CCT6A: variants seen among roughly 807,000 people sequenced by gnomAD.
The protein encoded by CCT6A is chaperonin containing TCP1 subunit 6A.
CCT6A carries 6 observed loss-of-function variants against 58.6 expected under a neutral mutation model. The ratio of observed to expected loss-of-function variants is 0.10; its 90% CI spans 0.06 to 0.20. The LOEUF (loss-of-function observed/expected upper bound fraction) is 0.20. Among genes scored for constraint, CCT6A ranks in the 10% least tolerant of loss-of-function variants. CCT6A has a pLI of 1.00. For missense variants in CCT6A, 516 were observed against 648.8 expected, an observed-to-expected ratio of 0.80 and a Z score of 2.22; for synonymous variants, 245 against 227.8, an observed-to-expected ratio of 1.08 and a Z score of -0.68.
chr7:56,061,012 A>G, intron 11 of CCT6A, 72 bp downstream of exon 11: 1 of 1,484,520 alleles, frequency 6.7e-7, no homozygotes, highest in Non-Finnish European at 9.0e-7. Flanking sequence ...TGTAGGATTT[A>G]TTCATAAAGT....
chr7:56,054,621 A>C (rs1794265619), intron 3 of CCT6A, 118 bp downstream of exon 3: 3 of 941,004 alleles, frequency 3.2e-6, no homozygotes, highest in African/African-American at 3.3e-5. Context: ...AGGGGGCTTA[A>C]ATCTGGGTCT....
Position 56,061,694 on chromosome 7 carries a change from T to C in CCT6A, c.1348-53T>C. 3 of 409,620 alleles carry C rather than the reference T, an allele frequency of 7.3e-6. No homozygotes were observed. In the East Asian group the frequency reaches 1.6e-4, roughly 22 times the overall value. 25.4% of individuals were successfully genotyped at this position (409,620 alleles called of 1,614,324 possible). A position where few individuals can be genotyped will look rare whatever the true frequency, so the allele number is the denominator to read the frequency against. Reference sequence around the variant, plus strand: ...TTTTTTTTTTTTTTTTTTTTTTTTTTACTATCAGTTATTAGTTCCTGTTTT... The same window carrying C: ...TTTTTTTTTTTTTTTTTTTTTTTTTCACTATCAGTTATTAGTTCCTGTTTT... On this transcript the variant is annotated intron_variant, in intron 11 of 13. Coordinates refer to ENST00000275603, the MANE Select transcript of CCT6A (RefSeq NM_001762.4).
Position 56,051,822 on chromosome 7 carries a change from G to C in CCT6A, c.-27G>C, listed in dbSNP as rs563602633. On this transcript the variant is annotated 5_prime_UTR_variant, in exon 1 of 14. Transcript: ENST00000275603. Reference sequence around the variant, plus strand: ...GCGCCGGCTCTGGGCACTCAGCATCGTTTCCTTTTCCTCCGCTGGAGCAGC... The same window carrying C: ...GCGCCGGCTCTGGGCACTCAGCATCCTTTCCTTTTCCTCCGCTGGAGCAGC... 1.9e-6 allele frequency: 3 copies of C among 1,549,130 alleles called. No homozygotes were observed. The East Asian group carries it at 7.4e-5, about 38-fold the overall frequency.
rs774163619 is a variant in CCT6A, at chr7:56,052,396, C to G, written c.138-26C>G. 5 of 1,607,164 alleles carry G rather than the reference C, an allele frequency of 3.1e-6. No homozygotes were observed. The Admixed American group carries it at 5.0e-5, about 16-fold the overall frequency. ...TAGTTATCGTTGAAAAAGTCATAGT[C>G]TGGTTCATTTCTGTCCTTTAAACAG... On this transcript the variant is annotated intron_variant, in intron 1 of 13. Transcript: ENST00000275603.
Position 56,051,954 on chromosome 7 carries a change from A to T in CCT6A, c.106A>T (p.Thr36Ser). Residue 36 changes from threonine (T) to serine (S), a missense_variant, in exon 1 of 14, where the codon ACC becomes TCC. By Grantham distance (58) the Thr-to-Ser change is moderately conservative (BLOSUM62 1). Coordinates refer to ENST00000275603, the MANE Select transcript of CCT6A (RefSeq NM_001762.4). Reference sequence around the variant, plus strand: ...GCGGGGTCTGCAGGACGTGCTAAGGACCAACCTGGGGCCCAAGGGCACCAT... The same window carrying T: ...GCGGGGTCTGCAGGACGTGCTAAGGTCCAACCTGGGGCCCAAGGGCACCAT... ...AARGLQDVLRTNLGPKGTMKM... is the reference protein window; with the variant it reads ...AARGLQDVLRSNLGPKGTMKM... 6.5e-7 allele frequency: 1 copy of T among 1,540,676 alleles called. No individual in the cohort carries two copies. The highest frequency in any genetic ancestry group is 8.8e-7 in the Non-Finnish European group (1 of 1,142,488).
Position 56,063,116 on chromosome 7 carries a change from A to C in CCT6A, c.*31A>C, listed in dbSNP as rs749173417. On this transcript the variant is annotated 3_prime_UTR_variant, in exon 14 of 14. Coordinates refer to ENST00000275603, the MANE Select transcript of CCT6A (RefSeq NM_001762.4). ...AGCTTCCTCTGTATCTGAATCTTGA[A>C]GACTGCAAAGTGATCCTGAGGATTA... 5.0e-6 allele frequency: 7 copies of C among 1,390,248 alleles called. No individual in the cohort carries two copies. The African/African-American group carries it at 9.9e-5, about 20-fold the overall frequency. 86.1% of individuals were successfully genotyped at this position (1,390,248 alleles called of 1,614,324 possible).
intron 11 of CCT6A, 73 bp downstream of exon 11, chr7:56,061,013 T>C: frequency 1.3e-6 from 2 of 1,482,320 alleles, no homozygotes; most frequent in Non-Finnish European, 1.8e-6. Flanking sequence ...GTAGGATTTA[T>C]TCATAAAGTG....
intron 8 of CCT6A, 55 bp from the exon 9 acceptor site, chr7:56,059,489 C>A: frequency 1.1e-6 from 1 of 887,556 alleles, no homozygotes; most frequent in Non-Finnish European, 1.9e-6. Flanking sequence ...CTGGTCTTAT[C>A]TTTGAAATTC....
rs1434889065 is a variant in CCT6A at position 56,051,786 on chromosome 7, C to T, written c.-63C>T. 7.2e-6 allele frequency: 11 copies of T among 1,531,792 alleles called. No homozygotes were observed. The highest frequency in any genetic ancestry group is 4.0e-5 in the Admixed American group (2 of 49,746). The allele number at this position is 1,531,792 out of a possible 1,614,324, so 94.9% of individuals were successfully genotyped here. On this transcript the variant is annotated 5_prime_UTR_variant, in exon 1 of 14. Transcript: ENST00000275603. ...TTCCAGAAGACCCGGATAGTTCCTC[C>T]CGGCCACGCCGCGCCGGCTCTGGGC...
chr7:56,059,289 C>T (rs527826429), intron 8 of CCT6A, among the ~76,000 whole-genome samples: 23 of 152,268 alleles, frequency 1.5e-4, no homozygotes, highest in African/African-American at 5.5e-4. Context: ...GTGTGAGCCA[C>T]CATGCCTGGC....
chr7:56,062,785 T>G (rs1794492022), intron 13 of CCT6A, 30 bp downstream of exon 13: 2 of 1,539,416 alleles, frequency 1.3e-6, no homozygotes, highest in Non-Finnish European at 1.8e-6. Context: ...AACTAAACTG[T>G]TAGAGAATCA....
intron 2 of CCT6A, 78 bp downstream of exon 2, chr7:56,052,563 T>G: frequency 8.0e-7 from 1 of 1,244,934 alleles, no homozygotes; most frequent in Non-Finnish European, 1.2e-6. Flanking sequence ...ATTTGCAGTG[T>G]CCATTTTCAA....
chr7:56,060,013 T>C (rs1161008864), intron 9 of CCT6A: 6 of 504,044 alleles, frequency 1.2e-5, no homozygotes, highest in Admixed American at 3.4e-5. Flanking sequence ...ATGAAGTCTT[T>C]AGCAGAAAAA....
intron 4 of CCT6A, among the ~76,000 whole-genome samples, 154 bp from the exon 5 acceptor site, chr7:56,056,157 G>C (rs1334653435): frequency 6.6e-6 from 1 of 152,152 alleles, no homozygotes; most frequent in African/African-American, 2.4e-5. Context: ...TTCAGCTGTT[G>C]CCTTTTACAT....
intron 10 of CCT6A, 145 bp from the exon 11 acceptor site, chr7:56,060,662 A>G (rs759182446): frequency 1.4e-4 from 162 of 1,142,766 alleles, no homozygotes; most frequent in Non-Finnish European, 1.9e-4. Flanking sequence ...ATTCTGGTTG[A>G]ACCATTCTCC....
intron 2 of CCT6A, among the ~76,000 whole-genome samples, chr7:56,053,135 A>G (rs530689934): frequency 1.6e-3 from 246 of 152,230 alleles, no homozygotes; most frequent in Non-Finnish European, 2.8e-3. Flanking sequence ...TCTCATCTCT[A>G]TCTCCAACTG....
At position 56,058,364 on chromosome 7, in the gene CCT6A, A is replaced by G; in HGVS notation, c.728A>G (p.Glu243Gly). Residue 243 changes from glutamate (E) to glycine (G), a missense_variant and splice_region_variant, in exon 7 of 14, where the codon GAA becomes GGA. Glu to Gly is a moderately conservative substitution (Grantham distance 98). This residue lies in a region of CCT6A where 315 missense variants were observed against 389.4 expected (regional missense o/e 0.81). Transcript: ENST00000275603. ...CNVSLEYEKT[E>G]VNSGFFYKSA... ...GTAACTTTTTTTTTTCTTAATAGAG[A>G]AGTGAATTCTGGCTTTTTTTACAAG... 1.9e-6 allele frequency: 3 copies of G among 1,566,180 alleles called. No homozygotes were observed. Among genetic ancestry groups the G allele is most frequent in the Non-Finnish European group, 2.6e-6 (3 of 1,163,960 alleles).
chr7:56,056,949 A>C (rs1272942337), intron 5 of CCT6A, among the ~76,000 whole-genome samples: 1 of 151,668 alleles, frequency 6.6e-6, no homozygotes, highest in African/African-American at 2.4e-5. Flanking sequence ...GGCGCCCGCC[A>C]CCATGCCCGG....
intron 8 of CCT6A, among the ~76,000 whole-genome samples, chr7:56,059,200 C>T (rs1420753891): frequency 6.6e-6 from 1 of 151,732 alleles, no homozygotes; most frequent in Admixed American, 6.6e-5. Flanking sequence ...GGGGTTTTGC[C>T]ATGTTAGCTA....
Sources: gnomAD v4.1 joint callset for allele counts (sites outside exome capture counted in the v4.1 genomes callset) on GRCh38, gnomAD v4.1.1 for gene constraint, gnomAD v4.1.1 regional missense constraint, MANE v1.5 for transcripts, NCBI Gene and HGNC (gene_info 2026-07-23, HGNC 2026-07-21) for gene names.